The following ST8SIA4 variants were observed in gnomAD, a reference collection of about 807,000 sequenced individuals.
ST8SIA4 encodes CMP-N-acetylneuraminate-poly-alpha-2,8-sialyltransferase.
In ST8SIA4, 15 loss-of-function variants were observed where a neutral mutation model predicts 33.9. That is an observed-to-expected ratio of 0.44 (90% CI 0.30 to 0.68). The LOEUF is 0.68. ST8SIA4 is among the 30% of genes least tolerant of loss of function. ST8SIA4 has a pLI of 0.10. For missense variants in ST8SIA4, 321 were observed against 428.0 expected (o/e 0.75, Z 2.21); for synonymous variants, 171 against 151.2 (o/e 1.13, Z -0.96).
intron 4 of ST8SIA4, among the ~76,000 whole-genome samples, chr5:100,836,593 A>T (rs1281992098): frequency 6.6e-6 from 1 of 152,066 alleles, no homozygotes; most frequent in African/African-American, 2.4e-5. Context: ...AGAAATAAAT[A>T]ACTTTCACTT....
In ST8SIA4 at chr5:100,856,222, A is replaced by G; in HGVS notation, c.678T>C (p.Pro226=). ...SMLNDSVLWI[P]AFMVKGGEKH... ...TCTCTCCTCCTTTGACCATGAAAGC[A>G]GGAATCCAAAGGACACTGTCATTCA... The change falls in exon 4 of 5, where the codon CCT becomes CCC. Residue 226 remains proline, a synonymous_variant. Transcript: ENST00000231461. The G allele has an allele frequency of 6.8e-6, 11 of 1,614,160 alleles. No homozygotes were observed. The highest frequency in any genetic ancestry group is 9.3e-6 in the Non-Finnish European group (11 of 1,179,996).
intron 3 of ST8SIA4, among the ~76,000 whole-genome samples, chr5:100,876,011 A>G (rs1752296356): frequency 6.6e-6 from 1 of 152,124 alleles, no homozygotes; most frequent in South Asian, 2.1e-4. Flanking sequence ...TTAGAAGTGT[A>G]GCATTAGTCA....
chr5:100,850,482 C>T (rs533678755), intron 4 of ST8SIA4, among the ~76,000 whole-genome samples: 17 of 150,670 alleles, frequency 1.1e-4, no homozygotes, highest in Admixed American at 3.3e-4. Context: ...AAAATTTATA[C>T]GATAATTGAG....
chr5:100,820,516 C>T (rs1216440827), intron 4 of ST8SIA4, among the ~76,000 whole-genome samples: 1 of 151,854 alleles, frequency 6.6e-6, no homozygotes, highest in Non-Finnish European at 1.5e-5. Flanking sequence ...TTATATAAAA[C>T]ATGATGTTTT....
At chr5:100,850,947 A>T (rs1751682594) in intron 4 of ST8SIA4, among the ~76,000 whole-genome samples, 1 of 143,626 alleles carries the variant, frequency 7.0e-6, no homozygotes, top group Non-Finnish European at 1.5e-5. Context: ...TTATTATTGT[A>T]ACCATACTTT....
In ST8SIA4 at chr5:100,811,882, G is replaced by T; in HGVS notation, c.1045C>A (p.Leu349Ile). ...ACACACTTTCCTGTTGTCAGTTTTA[G>T]AGCTCCTCTATTATGTAGCACATTT... The part of the protein sequence containing the change: ...TLNVLHNRGA[L>I]KLTTGKCVKQ Residue 349 changes from leucine (L) to isoleucine (I), a missense_variant, in exon 5 of 5, where the codon CTA (leucine) becomes ATA (isoleucine). Transcript: ENST00000231461. The T allele has an allele frequency of 6.2e-7, 1 of 1,613,532 alleles. No individual in the cohort carries two copies. Among genetic ancestry groups the T allele is most frequent in the African/African-American group, 1.3e-5 (1 of 74,940 alleles).
At position 100,834,106 on chromosome 5, in the gene ST8SIA4, T is replaced by C. The variant is rs146959872; in HGVS notation, c.798-21977A>G. ...ATCAAAAGACATTATTTCTATAAAA[T>C]TCCATCTAAATATACATGCATTTAT... On this transcript the variant is annotated intron_variant, in intron 4 of 4. Coordinates refer to ENST00000231461, the MANE Select transcript of ST8SIA4 (RefSeq NM_005668.6). Among the ~76,000 whole-genome samples, 1,220 of 152,276 alleles carry C rather than the reference T, an allele frequency of 8.0e-3. 9 individuals are homozygous for C. The highest frequency in any genetic ancestry group is 0.022 in the African/African-American group (929 of 41,564).
chr5:100,828,738 T>C (rs2112412052), intron 4 of ST8SIA4, among the ~76,000 whole-genome samples: 1 of 152,160 alleles, frequency 6.6e-6, no homozygotes, highest in East Asian at 1.9e-4. Context: ...ATGTGGAAGA[T>C]CCTTAGTCTT....
intron 4 of ST8SIA4, among the ~76,000 whole-genome samples, 199 bp from the exon 5 acceptor site, chr5:100,812,328 C>T (rs1379471250): frequency 1.3e-5 from 2 of 151,486 alleles, no homozygotes; most frequent in Non-Finnish European, 2.9e-5. Context: ...TATTTTCTTT[C>T]TTATTCTTGA....
chr5:100,893,814 T>C (rs540066850), intron 2 of ST8SIA4, among the ~76,000 whole-genome samples: 1 of 152,138 alleles, frequency 6.6e-6, no homozygotes, highest in African/African-American at 2.4e-5. Context: ...TTCCATCAGG[T>C]TTCTTTACCA....
chr5:100,853,985 A>ATGTGTG (rs55821438), intron 4 of ST8SIA4, among the ~76,000 whole-genome samples: 2,302 of 76,962 alleles, frequency 0.03, 22 homozygotes, highest in African/African-American at 0.046. Context: ...GTGTGTGTGT[A>ATGTGTG]TGTGTGTGTG....
At chr5:100,849,310 A>C in intron 4 of ST8SIA4, 1 of 985,444 alleles carries the variant, frequency 1.0e-6, no homozygotes, top group Non-Finnish European at 1.2e-6. Context: ...GGATTTAAAC[A>C]GTCTTGTCTA....
At chr5:100,854,881 A>G (rs1751781748) in intron 4 of ST8SIA4, among the ~76,000 whole-genome samples, 1 of 152,158 alleles carries the variant, frequency 6.6e-6, no homozygotes, top group Non-Finnish European at 1.5e-5. Context: ...TCTGTCTTAC[A>G]TCCTTATTAT....
At position 100,811,804 on chromosome 5, in the gene ST8SIA4, A is replaced by C; in HGVS notation, c.*43T>G. 1 of 1,544,956 alleles carries C rather than the reference A, an allele frequency of 6.5e-7. No individual in the cohort carries two copies. The highest frequency in any genetic ancestry group is 8.7e-7 in the Non-Finnish European group (1 of 1,146,716). ...ATCCTATTTTCAAATCTTCGGAAGCATCTTCAGAAAAGAAGTGCATATTGT... is the reference window on the plus strand; with the variant it reads ...ATCCTATTTTCAAATCTTCGGAAGCCTCTTCAGAAAAGAAGTGCATATTGT... On this transcript the variant is annotated 3_prime_UTR_variant, in exon 5 of 5. Transcript: ENST00000231461.
chr5:100,821,889 A>G (rs1373345562), intron 4 of ST8SIA4, among the ~76,000 whole-genome samples: 4 of 152,202 alleles, frequency 2.6e-5, no homozygotes, highest in Non-Finnish European at 5.9e-5. Context: ...CATTTAGACA[A>G]TTGCCTTGTC....
intron 2 of ST8SIA4, among the ~76,000 whole-genome samples, chr5:100,892,049 A>C (rs1457078210): frequency 6.6e-6 from 1 of 152,066 alleles, no homozygotes; most frequent in Non-Finnish European, 1.5e-5. Flanking sequence ...TGACACTAAG[A>C]GCTGAAATAT....
chr5:100,853,955 G>A (rs566016490), intron 4 of ST8SIA4, among the ~76,000 whole-genome samples: 12 of 150,858 alleles, frequency 8.0e-5, no homozygotes, highest in Non-Finnish European at 1.5e-4. Flanking sequence ...AACTTAATCT[G>A]CTATCACTGG....
intron 3 of ST8SIA4, among the ~76,000 whole-genome samples, chr5:100,860,339 C>G (rs1751909524): frequency 6.6e-6 from 1 of 152,124 alleles, no homozygotes; most frequent in Non-Finnish European, 1.5e-5. Flanking sequence ...CTTTGTCAAT[C>G]CACTGTGAAA....
At chr5:100,878,240 C>T (rs541972421) in intron 3 of ST8SIA4, among the ~76,000 whole-genome samples, 2 of 151,770 alleles carry the variant, frequency 1.3e-5, no homozygotes, top group Non-Finnish European at 2.9e-5. Context: ...TGCAATGGAG[C>T]GATCTCTGAT....
Sources: allele counts gnomAD v4.1 joint callset (sites outside exome capture counted in the v4.1 genomes callset), GRCh38; gene constraint gnomAD v4.1.1; transcripts MANE v1.5; gene names NCBI Gene and HGNC (gene_info 2026-07-23, HGNC 2026-07-21).